USH2A: variants seen among roughly 807,000 people sequenced by gnomAD.
USH2A encodes Usher syndrome 2A (autosomal recessive, mild).
Under a neutral mutation model 538.9 loss-of-function variants are expected in USH2A, and 443 were observed. The ratio of observed to expected loss-of-function variants is 0.82; its 90% CI spans 0.76 to 0.89. USH2A has a LOEUF of 0.89. USH2A is among the 40% of genes least tolerant of loss of function. The pLI, the probability that USH2A is intolerant of heterozygous loss-of-function variation, is 0.00. For missense variants in USH2A, 6,633 were observed against 6,324.8 expected, an observed-to-expected ratio of 1.05 and a Z score of -1.65; for synonymous variants, 2,413 against 2,273.5, an observed-to-expected ratio of 1.06 and a Z score of -1.75.
chr1:215,993,509 A>AACACAC (rs66804361), intron 34 of USH2A, among the ~76,000 whole-genome samples: 3,598 of 146,438 alleles, frequency 0.025, 125 homozygotes, highest in African/African-American at 0.084. Context: ...GAGTGAATTA[A>AACACAC]ACACACACAC....
intron 43 of USH2A, among the ~76,000 whole-genome samples, chr1:215,876,055 GT>G (rs1373704092): frequency 6.6e-6 from 1 of 151,592 alleles, no homozygotes; most frequent in African/African-American, 2.4e-5. Flanking sequence ...GGGCTAAGAT[GT>G]ATTTATCTTT....
chr1:215,805,570 G>GGTTAAAATGA (rs1319869057), intron 49 of USH2A, among the ~76,000 whole-genome samples: 1 of 151,958 alleles, frequency 6.6e-6, no homozygotes, highest in Non-Finnish European at 1.5e-5. Flanking sequence ...CTTAAAAAAT[G>GGTTAAAATGA]GTTAAAATGA....
At chr1:216,415,257 C>G (rs17658316) in intron 3 of USH2A, among the ~76,000 whole-genome samples, 5,080 of 152,142 alleles carry the variant, frequency 0.033, 117 homozygotes, top group South Asian at 0.074. Flanking sequence ...TTTTGTTCAT[C>G]TAGTTCAATC....
chr1:216,308,921 G>A lies in USH2A; in HGVS notation c.1644+12962C>T, dbSNP rs368149830. On this transcript the variant is annotated intron_variant, in intron 9 of 71. Coordinates refer to ENST00000307340, the MANE Select transcript of USH2A (RefSeq NM_206933.4). ...TATGTCTCTCACACCCTCAGCACAA[G>A]TACCATGCTGAGCTGCATTGCAGCA... is the stretch of plus-strand genomic sequence containing the variant. Among the ~76,000 whole-genome samples, 50 of 152,138 alleles carry A rather than the reference G, an allele frequency of 3.3e-4. 1 individual carries two copies. Among genetic ancestry groups the A allele is most frequent in the African/African-American group, 1.1e-3 (45 of 41,434 alleles).
intron 11 of USH2A, among the ~76,000 whole-genome samples, chr1:216,266,686 A>AT (rs1242239745): frequency 6.6e-6 from 1 of 152,108 alleles, no homozygotes; most frequent in East Asian, 1.9e-4. Flanking sequence ...GTCCTTGAGC[A>AT]TAAATATGTA....
intron 37 of USH2A, among the ~76,000 whole-genome samples, chr1:215,949,412 T>G (rs1666855506): frequency 6.6e-6 from 1 of 152,062 alleles, no homozygotes. Context: ...TTTTTTCAAC[T>G]CAATCTAATG....
Position 216,422,195 on chromosome 1 carries a change from T to C in USH2A, c.142A>G (p.Lys48Glu), listed in dbSNP as rs1243255003. The C allele has an allele frequency of 1.9e-6, 3 of 1,612,392 alleles. No individual in the cohort carries two copies. The highest frequency in any genetic ancestry group is 2.2e-5 in the East Asian group (1 of 44,838). The change falls in exon 2 of 72, where the codon AAA becomes GAA. Residue 48 changes from lysine (K) to glutamate (E), a missense_variant. Lys to Glu is a moderately conservative substitution (Grantham distance 56, BLOSUM62 1). Transcript: ENST00000307340. ...PRLENVGAFK[K>E]VSIVPTQAVC... is the part of the protein sequence containing the mutation. ...GCTTGGGTTGGCACGATGGAAACTT[T>C]CTTGAAAGCTCCCACGTTCTCCAGC...
intron 9 of USH2A, among the ~76,000 whole-genome samples, chr1:216,303,408 A>G (rs1448086572): frequency 6.6e-6 from 1 of 151,962 alleles, no homozygotes. Flanking sequence ...AATATACATC[A>G]TACAAATACG....
intron 67 of USH2A, among the ~76,000 whole-genome samples, chr1:215,646,180 C>T (rs1046336399): frequency 2.0e-5 from 3 of 152,070 alleles, no homozygotes; most frequent in East Asian, 1.9e-4. Context: ...ATAAGCTGGA[C>T]CAGCTTCCTT....
At chr1:216,394,720 C>CTTTTTTTCTTT (rs2039174900) in intron 3 of USH2A, among the ~76,000 whole-genome samples, 1 of 120,324 alleles carries the variant, frequency 8.3e-6, no homozygotes, top group East Asian at 2.8e-4. Flanking sequence ...CTGGTCCAGT[C>CTTTTTTTCTTT]TTTTTTTTTT....
intron 21 of USH2A, among the ~76,000 whole-genome samples, chr1:216,121,911 A>G (rs1199054425): frequency 6.6e-6 from 1 of 152,230 alleles, no homozygotes; most frequent in African/African-American, 2.4e-5. Flanking sequence ...AGTGTTGTTC[A>G]ATATTGAACA....
intron 4 of USH2A, among the ~76,000 whole-genome samples, chr1:216,351,534 A>C (rs537816774): frequency 1.3e-5 from 2 of 152,342 alleles, no homozygotes; most frequent in Middle Eastern, 6.8e-3. Context: ...CCAGAGAAGT[A>C]ACTGCTGTTA....
chr1:215,880,391 C>T (rs1037739478), intron 41 of USH2A, among the ~76,000 whole-genome samples: 1 of 152,108 alleles, frequency 6.6e-6, no homozygotes, highest in Non-Finnish European at 1.5e-5. Context: ...TTATAATTAA[C>T]AATGGGCCAA....
At chr1:215,706,115 A>G (rs1659177973) in intron 61 of USH2A, among the ~76,000 whole-genome samples, 1 of 152,296 alleles carries the variant, frequency 6.6e-6, no homozygotes, top group Middle Eastern at 3.4e-3. Context: ...TGGTCATATA[A>G]TTGTAAGGGG....
chr1:215,929,891 CT>C (rs958765522), intron 38 of USH2A, among the ~76,000 whole-genome samples: 4 of 151,604 alleles, frequency 2.6e-5, no homozygotes, highest in African/African-American at 7.3e-5. Context: ...TTCTTTCTTT[CT>C]TTTTTTTCTC....
At chr1:215,926,289 G>C (rs985718187) in intron 38 of USH2A, among the ~76,000 whole-genome samples, 1 of 150,910 alleles carries the variant, frequency 6.6e-6, no homozygotes, top group Admixed American at 6.6e-5. Flanking sequence ...ATTGCTCTAA[G>C]GTCTTAGAAA....
intron 21 of USH2A, among the ~76,000 whole-genome samples, chr1:216,108,667 T>C (rs929734253): frequency 1.3e-5 from 2 of 152,040 alleles, no homozygotes; most frequent in Non-Finnish European, 2.9e-5. Flanking sequence ...TCATTTTTCT[T>C]TGGTTACTTC....
chr1:215,636,357 C>T (rs1471417459), intron 69 of USH2A, among the ~76,000 whole-genome samples: 1 of 152,162 alleles, frequency 6.6e-6, no homozygotes, highest in Non-Finnish European at 1.5e-5. Flanking sequence ...CTTTGCCAAC[C>T]CTAACTCTGC....
intron 15 of USH2A, among the ~76,000 whole-genome samples, chr1:216,214,786 T>C (rs1456220656): frequency 6.6e-6 from 1 of 151,926 alleles, no homozygotes; most frequent in East Asian, 1.9e-4. Context: ...GATATAAAGA[T>C]GAATAAATAA....
Sources: allele counts gnomAD v4.1 joint callset (sites outside exome capture counted in the v4.1 genomes callset), GRCh38; gene constraint gnomAD v4.1.1; transcripts MANE v1.5; gene names NCBI Gene and HGNC (gene_info 2026-07-23, HGNC 2026-07-21).